Variants in TSHZ3 observed in about 807,000 individuals in gnomAD.
The protein encoded by TSHZ3 is teashirt zinc finger homeobox 3.
Under a neutral mutation model 64.5 loss-of-function variants are expected in TSHZ3, and 10 were observed. The observed-to-expected ratio is 0.16, with a 90% CI of 0.10 to 0.26. TSHZ3 has a LOEUF of 0.26. TSHZ3 is among the 10% of genes least tolerant of loss of function. The pLI, the probability that TSHZ3 is intolerant of heterozygous loss-of-function variation, is 1.00. For missense variants in TSHZ3, 1,242 were observed against 1,421.7 expected (o/e 0.87, Z 2.03); for synonymous variants, 608 against 593.1 (o/e 1.03, Z -0.36).
At chr19:31,344,115 T>C (rs1015530589) in intron 1 of TSHZ3, among the ~76,000 whole-genome samples, 2 of 152,260 alleles carry the variant, frequency 1.3e-5, no homozygotes, top group Non-Finnish European at 2.9e-5. Flanking sequence ...TACAATATAT[T>C]GTATTCACCT....
intron 5 of TSHZ3, among the ~76,000 whole-genome samples, chr19:31,165,003 C>A (rs971062392): frequency 6.6e-6 from 1 of 152,204 alleles, no homozygotes. Flanking sequence ...CCCACCCTGC[C>A]GAGCCCGTCC....
At chr19:31,156,844 C>A (rs941900231) in intron 5 of TSHZ3, among the ~76,000 whole-genome samples, 28 of 152,128 alleles carry the variant, frequency 1.8e-4, no homozygotes, top group African/African-American at 6.3e-4. Flanking sequence ...TAATCATGAC[C>A]TACAGAATTG....
At chr19:31,295,502 C>T (rs192737373) in intron 1 of TSHZ3, among the ~76,000 whole-genome samples, 1 of 152,308 alleles carries the variant, frequency 6.6e-6, no homozygotes, top group Non-Finnish European at 1.5e-5. Context: ...TTCAAAACAA[C>T]ATGGGAGGAT....
intron 5 of TSHZ3, among the ~76,000 whole-genome samples, chr19:31,171,051 A>G (rs927874393): frequency 6.6e-6 from 1 of 152,220 alleles, no homozygotes; most frequent in African/African-American, 2.4e-5. Flanking sequence ...TTTAGGTATA[A>G]CAGATCAAAA....
At chr19:31,299,721 C>A (rs537981141) in intron 1 of TSHZ3, among the ~76,000 whole-genome samples, 2 of 152,252 alleles carry the variant, frequency 1.3e-5, no homozygotes, top group South Asian at 4.1e-4. Flanking sequence ...CTGTAAGACT[C>A]CTACTGTGCA....
rs1013546569 is a variant in TSHZ3 at position 31,275,953 on chromosome 19, C to G, written c.*594G>C. 1.3e-5 allele frequency: 2 copies of G among 152,476 alleles called. No homozygotes were observed. Among genetic ancestry groups the G allele is most frequent in the African/African-American group, 4.8e-5 (2 of 41,406 alleles). 9.4% of individuals were successfully genotyped at this position (152,476 alleles called of 1,614,324 possible). ...TTCATAAGAGAGTCTGAAATCTATA[C>G]AATATATACATCTATGTTTCAATGT... is the stretch of plus-strand genomic sequence containing the variant. On this transcript the variant is annotated 3_prime_UTR_variant, in exon 2 of 2. Coordinates refer to ENST00000240587, the MANE Select transcript of TSHZ3 (RefSeq NM_020856.4).
chr19:31,349,013 G>T (rs2021610640), intron 1 of TSHZ3, 167 bp downstream of exon 1: 3 of 820,184 alleles, frequency 3.7e-6, no homozygotes, highest in Non-Finnish European at 1.8e-6. Flanking sequence ...TCCGGGGGGC[G>T]CCCGGTACCC....
At chr19:31,349,482 G>A (rs969790462), upstream of TSHZ3, 6 of 379,556 alleles carry the variant, frequency 1.6e-5, no homozygotes, top group Admixed American at 4.7e-5. Context: ...ACGGGGGGGA[G>A]GAGGAGGCAG....
At chr19:31,153,590 C>A (rs571027705) in intron 6 of TSHZ3, among the ~76,000 whole-genome samples, 1 of 152,280 alleles carries the variant, frequency 6.6e-6, no homozygotes, top group East Asian at 1.9e-4. Flanking sequence ...CACTTGACTT[C>A]TTGTTTTATT....
chr19:31,226,973 C>CTT (rs1255178594), intron 4 of TSHZ3, among the ~76,000 whole-genome samples: 1 of 68,152 alleles, frequency 1.5e-5, no homozygotes, highest in Non-Finnish European at 2.6e-5. Context: ...TTCTTTCTTT[C>CTT]TTTCTTTTTT....
chr19:31,166,688 G>C (rs983899769), intron 5 of TSHZ3, among the ~76,000 whole-genome samples: 3 of 152,142 alleles, frequency 2.0e-5, no homozygotes, highest in African/African-American at 7.2e-5. Flanking sequence ...TGCCGGTGCT[G>C]GGATGAAATG....
intron 1 of TSHZ3, among the ~76,000 whole-genome samples, chr19:31,304,509 C>A (rs1295202825): frequency 7.3e-5 from 9 of 123,066 alleles, no homozygotes; most frequent in South Asian, 3.0e-4. Context: ...ACAACAACAA[C>A]AACAAAAAAT....
chr19:31,298,948 A>C (rs914978389), intron 1 of TSHZ3, among the ~76,000 whole-genome samples: 22 of 152,240 alleles, frequency 1.4e-4, no homozygotes, highest in Middle Eastern at 3.4e-3. Context: ...TAATCCCAGC[A>C]CTCTGGGAGG....
intron 1 of TSHZ3, among the ~76,000 whole-genome samples, chr19:31,248,544 C>T (rs1975788333): frequency 6.6e-6 from 1 of 151,830 alleles, no homozygotes; most frequent in African/African-American, 2.4e-5. Context: ...AGCAGTGGTC[C>T]CTGCCTGTCA....
At chr19:31,253,171 C>T (rs947718806) in intron 1 of TSHZ3, among the ~76,000 whole-genome samples, 2 of 152,266 alleles carry the variant, frequency 1.3e-5, no homozygotes, top group African/African-American at 4.8e-5. Context: ...AATCCCAAGA[C>T]AAGGTGTTCC....
intron 5 of TSHZ3, chr19:31,167,374 T>A (rs1211811986): frequency 6.6e-6 from 1 of 152,148 alleles, no homozygotes; most frequent in Non-Finnish European, 1.5e-5. Flanking sequence ...TGGGAGAACA[T>A]CCAATTCAAG....
At chr19:31,198,504 T>C (rs1975025791) in intron 5 of TSHZ3, among the ~76,000 whole-genome samples, 3 of 152,100 alleles carry the variant, frequency 2.0e-5, no homozygotes, top group Admixed American at 2.0e-4. Context: ...ATTGTCTTTT[T>C]CACAGTGACA....
chr19:31,284,235 T>A (rs939545797), intron 1 of TSHZ3, among the ~76,000 whole-genome samples: 4 of 151,436 alleles, frequency 2.6e-5, no homozygotes, highest in African/African-American at 9.7e-5. Flanking sequence ...GAGCAAGGAG[T>A]TGTAACAGCC....
At chr19:31,151,200 C>G (rs761991021) in exon 7 of TSHZ3, among the ~76,000 whole-genome samples, 1 of 152,060 alleles carries the variant, frequency 6.6e-6, no homozygotes, top group African/African-American at 2.4e-5. Context: ...GTGTAAGTGA[C>G]GGGAAAAGGT....
Sources: allele counts gnomAD v4.1 joint callset (sites outside exome capture counted in the v4.1 genomes callset), GRCh38; gene constraint gnomAD v4.1.1; transcripts MANE v1.5; gene names NCBI Gene and HGNC (gene_info 2026-07-23, HGNC 2026-07-21).